Variants in CDH9 observed in about 807,000 individuals in gnomAD.
CDH9 encodes the protein cadherin 9, also known as cadherin-9.
CDH9 carries 28 observed loss-of-function variants against 70.9 expected under a neutral mutation model. The ratio of observed to expected loss-of-function variants is 0.40; its 90% confidence interval spans 0.29 to 0.54. The LOEUF is 0.54. CDH9 is among the 20% of genes least tolerant of loss of function. The pLI is 0.59. For synonymous variants in CDH9, 409 were observed against 343.1 expected (o/e 1.19, Z -2.12); for missense variants, 874 against 984.4 (o/e 0.89, Z 1.50).
chr5:26,946,636 A>G (rs73073550), intron 2 of CDH9, among the ~76,000 whole-genome samples: 3,724 of 152,250 alleles, frequency 0.024, 170 homozygotes, highest in African/African-American at 0.085. Context: ...GAAGAAAGTA[A>G]TTTTTAAAAG....
Position 26,902,648 on chromosome 5 carries a change from G to T in CDH9, c.1081C>A (p.Leu361Met), listed in dbSNP as rs756492421. 1.3e-6 allele frequency: 2 copies of T among 1,593,838 alleles called. No individual in the cohort carries two copies. The highest frequency in any genetic ancestry group is 2.2e-5 in the South Asian group (2 of 90,680). Residue 361 changes from leucine (L) to methionine (M), a missense_variant, in exon 7 of 12, where the codon CTG becomes ATG. Coordinates refer to ENST00000231021, the MANE Select transcript of CDH9 (RefSeq NM_016279.4). ...ACAGCTGTATCTTTGAAAGGTCCCAGGTGTAAGAATCGTGGATCAGGGTGA... is the reference window on the plus strand; with the variant it reads ...ACAGCTGTATCTTTGAAAGGTCCCATGTGTAAGAATCGTGGATCAGGGTGA... ...NTHPDPRFLH[L>M]GPFKDTAVVK...
intron 1 of CDH9, among the ~76,000 whole-genome samples, chr5:27,013,960 T>A (rs1442319929): frequency 6.6e-6 from 1 of 152,022 alleles, no homozygotes; most frequent in Non-Finnish European, 1.5e-5. Context: ...TGAGAACTGA[T>A]ATCTGGCACA....
At chr5:27,020,476 T>C (rs922204987) in intron 1 of CDH9, among the ~76,000 whole-genome samples, 3 of 151,584 alleles carry the variant, frequency 2.0e-5, no homozygotes, top group African/African-American at 7.2e-5. Flanking sequence ...TAACCAAATG[T>C]GATGATAATT....
Position 26,905,993 on chromosome 5 carries a change from T to C in CDH9, c.777A>G (p.Thr259=). The change falls in exon 5 of 12, where the codon ACA becomes ACG. Residue 259 remains threonine, a synonymous_variant. Coordinates refer to ENST00000231021, the MANE Select transcript of CDH9 (RefSeq NM_016279.4). The part of the protein sequence containing the change: ...SGTTTVNITL[T]DVNNNPPRFP... ...ATCGAGGAGGGTTGTTGTTGACATCTGTCAGCGTGATGTTCACTGTGGTGG... is the reference window on the plus strand; with the variant it reads ...ATCGAGGAGGGTTGTTGTTGACATCCGTCAGCGTGATGTTCACTGTGGTGG... 1 of 1,613,806 alleles carries C rather than the reference T, an allele frequency of 6.2e-7. No individual in the cohort carries two copies. Among genetic ancestry groups the C allele is most frequent in the Non-Finnish European group, 8.5e-7 (1 of 1,179,710 alleles).
At chr5:27,013,550 A>T (rs1389160256) in intron 1 of CDH9, among the ~76,000 whole-genome samples, 1 of 151,882 alleles carries the variant, frequency 6.6e-6, no homozygotes, top group Non-Finnish European at 1.5e-5. Context: ...TATTTCTGGA[A>T]AAAGGGTTTA....
At position 26,902,586 on chromosome 5, in the gene CDH9, A is replaced by C; in HGVS notation, c.1143T>G (p.Pro381=). The C allele has an allele frequency of 6.2e-7, 1 of 1,600,922 alleles. No individual in the cohort carries two copies. The highest frequency in any genetic ancestry group is 8.6e-7 in the Non-Finnish European group (1 of 1,168,352). The change falls in exon 7 of 12, where the codon CCT becomes CCG. Residue 381 remains proline (P), a synonymous_variant. Coordinates refer to ENST00000231021, the MANE Select transcript of CDH9 (RefSeq NM_016279.4). ...KISVEDIDEP[P]VFTKVSYLIE... is the part of the protein sequence containing the mutation. Reference sequence around the variant, plus strand: ...TCAAGTAAGAGACTTTAGTGAACACAGGAGGCTCATCTATATCTTCCACAG... The same window carrying C: ...TCAAGTAAGAGACTTTAGTGAACACCGGAGGCTCATCTATATCTTCCACAG...
intron 1 of CDH9, among the ~76,000 whole-genome samples, chr5:27,033,367 T>G (rs1002220405): frequency 4.0e-5 from 6 of 151,402 alleles, no homozygotes; most frequent in African/African-American, 1.5e-4. Flanking sequence ...ATATGTATTC[T>G]GGATGCATAC....
At chr5:27,005,650 C>A (rs1297704457) in intron 1 of CDH9, among the ~76,000 whole-genome samples, 1 of 152,078 alleles carries the variant, frequency 6.6e-6, no homozygotes, top group African/African-American at 2.4e-5. Context: ...TTCGACCCAG[C>A]AATCCCATTA....
intron 1 of CDH9, among the ~76,000 whole-genome samples, chr5:27,024,456 G>A (rs1743189230): frequency 6.6e-6 from 1 of 152,000 alleles, no homozygotes; most frequent in Admixed American, 6.6e-5. Flanking sequence ...GTATAATTAT[G>A]TTTTGTTTTC....
chr5:26,986,809 G>A (rs1265455211), intron 2 of CDH9, among the ~76,000 whole-genome samples: 1 of 152,040 alleles, frequency 6.6e-6, no homozygotes, highest in Non-Finnish European at 1.5e-5. Flanking sequence ...TGTTAAATGA[G>A]GGATGCCTGA....
At chr5:26,927,411 ACATAAATGGCATCCAATG>A in intron 2 of CDH9, among the ~76,000 whole-genome samples, 1 of 152,186 alleles carries the variant, frequency 6.6e-6, no homozygotes. Flanking sequence ...CAAGAGAAAG[ACATAAATGGCATCCAATG>A]CGGATGCCAT....
rs903180611 is a variant in CDH9 at position 26,902,894 on chromosome 5, T to A, written c.1000-165A>T. On this transcript the variant is annotated intron_variant, in intron 6 of 11. Coordinates refer to ENST00000231021, the MANE Select transcript of CDH9 (RefSeq NM_016279.4). ...GAAATAAATTTATAAATATATGTTT[T>A]GCCATACACTTATTCACAGAGGGTT... 21 of 559,052 alleles carry A rather than the reference T, an allele frequency of 3.8e-5. No homozygotes were observed. The Admixed American group carries it at 4.4e-4, about 12-fold the overall frequency. 34.6% of individuals were successfully genotyped at this position (559,052 alleles called of 1,614,324 possible). A position where few individuals can be genotyped will look rare whatever the true frequency, so the allele number is the denominator to read the frequency against.
intron 2 of CDH9, among the ~76,000 whole-genome samples, chr5:26,975,313 A>G (rs976591860): frequency 2.0e-5 from 3 of 152,166 alleles, no homozygotes; most frequent in Non-Finnish European, 2.9e-5. Context: ...ATAAGGAAGC[A>G]TTGAACTCTC....
intron 2 of CDH9, among the ~76,000 whole-genome samples, chr5:26,953,123 T>G (rs1348386934): frequency 6.6e-6 from 1 of 152,112 alleles, no homozygotes; most frequent in African/African-American, 2.4e-5. Flanking sequence ...AACATTTTTC[T>G]CTATCTTGTA....
chr5:26,903,503 T>A, intron 6 of CDH9, 134 bp downstream of exon 6: 3 of 754,594 alleles, frequency 4.0e-6, no homozygotes, highest in East Asian at 2.5e-5. Context: ...ATCACAACTA[T>A]TCTCATTTAT....
intron 9 of CDH9, among the ~76,000 whole-genome samples, chr5:26,888,464 A>G (rs1397726522): frequency 1.3e-5 from 2 of 151,726 alleles, no homozygotes; most frequent in Admixed American, 1.3e-4. Context: ...ATATGTAACT[A>G]TGTTATGAAA....
intron 3 of CDH9, among the ~76,000 whole-genome samples, chr5:26,912,540 G>T (rs893730706): frequency 2.0e-5 from 3 of 150,922 alleles, no homozygotes; most frequent in Non-Finnish European, 4.4e-5. Context: ...AGATATGTAT[G>T]TATTAAAATG....
In CDH9 at chr5:26,988,145, C is replaced by A; in HGVS notation, c.189G>T (p.Leu63Phe). The A allele has an allele frequency of 6.2e-7, 1 of 1,612,872 alleles. No homozygotes were observed. Among genetic ancestry groups the A allele is most frequent in the Middle Eastern group, 1.7e-4 (1 of 5,998 alleles). Residue 63 changes from leucine (L) to phenylalanine (F), a missense_variant, in exon 2 of 12, where the codon TTG (leucine) becomes TTT (phenylalanine). Leu to Phe is a conservative substitution (Grantham distance 22). Transcript: ENST00000231021. ...RGWMWNQFFL[L>F]EEYTGTDTQY... ...GTGTGTCAGTACCTGTGTACTCTTC[C>A]AATAAGAAGAACTGATTCCACATCC...
intron 3 of CDH9, among the ~76,000 whole-genome samples, chr5:26,907,794 T>G (rs953925900): frequency 6.6e-6 from 1 of 152,098 alleles, no homozygotes; most frequent in Admixed American, 6.6e-5. Flanking sequence ...TTTCAGTATA[T>G]TTTACATAAT....
Sources: allele counts gnomAD v4.1 joint callset (sites outside exome capture counted in the v4.1 genomes callset), GRCh38; gene constraint gnomAD v4.1.1; transcripts MANE v1.5; gene names NCBI Gene and HGNC (gene_info 2026-07-23, HGNC 2026-07-21).